EVI5: variants seen among roughly 807,000 people sequenced by gnomAD.
EVI5 encodes ecotropic viral integration site 5 protein homolog.
In EVI5, 73 loss-of-function variants were observed where a neutral mutation model predicts 112.0. The observed-to-expected ratio is 0.65, with a 90% CI of 0.54 to 0.79. The LOEUF (loss-of-function observed/expected upper bound fraction) is 0.79. Ranked by LOEUF, EVI5 falls within the 30% of genes least tolerant of loss-of-function variation. The pLI is 0.00. For synonymous variants in EVI5, 305 were observed against 319.9 expected (o/e 0.95, Z 0.50); for missense variants, 900 against 968.8 (o/e 0.93, Z 0.94).
At chr1:92,592,014 C>T (rs1455143017) in intron 18 of EVI5, among the ~76,000 whole-genome samples, 22 of 152,160 alleles carry the variant, frequency 1.4e-4, no homozygotes, top group East Asian at 9.6e-4. Context: ...GAGGCCAAGG[C>T]GGGCGGTTCA....
chr1:92,516,885 A>C (rs201466926), intron 19 of EVI5, among the ~76,000 whole-genome samples: 1 of 3,848 alleles, frequency 2.6e-4, no homozygotes, highest in African/African-American at 4.3e-3. Flanking sequence ...CCTTTCCTCC[A>C]AAAAAAAAAA....
chr1:92,617,236 T>C (rs948282539), intron 16 of EVI5, among the ~76,000 whole-genome samples: 3 of 152,346 alleles, frequency 2.0e-5, no homozygotes, highest in African/African-American at 7.2e-5. Context: ...CACTTGGTTG[T>C]GCACTCTGCA....
At chr1:92,575,035 A>G (rs1670841197) in intron 18 of EVI5, among the ~76,000 whole-genome samples, 1 of 152,214 alleles carries the variant, frequency 6.6e-6, no homozygotes, top group South Asian at 2.1e-4. Context: ...CAGATGCATA[A>G]CTGAAGTAGT....
intron 9 of EVI5, among the ~76,000 whole-genome samples, chr1:92,679,420 G>A (rs921428586): frequency 1.3e-5 from 2 of 152,034 alleles, no homozygotes; most frequent in Non-Finnish European, 1.5e-5. Context: ...CTTCACAAAT[G>A]ACTACTCTGA....
Position 92,509,944 on chromosome 1 carries a change from C to T in EVI5, c.*3712G>A, listed in dbSNP as rs559635323. 3.8e-4 allele frequency: 58 copies of T among 152,274 alleles called. 1 individual carries two copies. The highest frequency in any genetic ancestry group is 1.2e-3 in the African/African-American group (48 of 41,562). 9.4% of individuals were successfully genotyped at this position (152,274 alleles called of 1,614,324 possible). A position where few individuals can be genotyped will look rare whatever the true frequency, so the allele number is the denominator to read the frequency against. The stretch of plus-strand genomic sequence containing the variant: ...GTAATTAAATAAAATTCATCGAGAA[C>T]ATTGTTCAATGCTTCAAAGTCTTGA... On this transcript the variant is annotated 3_prime_UTR_variant, in exon 20 of 20. Transcript: ENST00000684568.
chr1:92,689,515 C>T (rs937240561), intron 9 of EVI5, among the ~76,000 whole-genome samples: 7 of 152,078 alleles, frequency 4.6e-5, no homozygotes, highest in Non-Finnish European at 7.4e-5. Flanking sequence ...GGTGTGCTGG[C>T]GCCACCACAT....
chr1:92,521,896 A>G (rs550577371), intron 19 of EVI5, among the ~76,000 whole-genome samples: 43 of 152,188 alleles, frequency 2.8e-4, no homozygotes, highest in Non-Finnish European at 5.3e-4. Flanking sequence ...AACTAAAGGC[A>G]CCTTAGAAAA....
upstream of EVI5, among the ~76,000 whole-genome samples, chr1:92,785,925 C>CAA (rs36097015): frequency 2.3e-4 from 33 of 142,346 alleles, no homozygotes; most frequent in South Asian, 2.5e-3. Context: ...ACTAAAAATA[C>CAA]AAAAAAAAAA....
chr1:92,679,653 T>A (rs539633598), intron 9 of EVI5, among the ~76,000 whole-genome samples: 8 of 152,322 alleles, frequency 5.3e-5, no homozygotes, highest in Admixed American at 5.2e-4. Context: ...TTGTTATAAT[T>A]AATGAACCAA....
intron 10 of EVI5, among the ~76,000 whole-genome samples, chr1:92,676,073 A>G (rs919523502): frequency 4.6e-5 from 7 of 151,650 alleles, no homozygotes; most frequent in African/African-American, 1.7e-4. Flanking sequence ...TTTTCTATAT[A>G]TATAAAAAAT....
At chr1:92,547,497 TCAGAG>T (rs1374810861) in intron 19 of EVI5, among the ~76,000 whole-genome samples, 1 of 151,898 alleles carries the variant, frequency 6.6e-6, no homozygotes, top group Non-Finnish European at 1.5e-5. Flanking sequence ...GTAACTAAGA[TCAGAG>T]CAGAACTGAA....
At chr1:92,597,584 A>C (rs1317362709) in intron 18 of EVI5, among the ~76,000 whole-genome samples, 1 of 152,238 alleles carries the variant, frequency 6.6e-6, no homozygotes, top group Non-Finnish European at 1.5e-5. Flanking sequence ...GAACATATAC[A>C]AGTTGATAAA....
rs71586755 is a variant in EVI5, at chr1:92,565,948, C to CAAAAAAAAAAAAAAAAAAAAAAAAAA, written c.2071-2212_2071-2211insTTTTTTTTTTTTTTTTTTTTTTTTTT. On this transcript the variant is annotated intron_variant, in intron 18 of 19. Coordinates refer to ENST00000684568, the MANE Select transcript of EVI5 (RefSeq NM_001350197.2). ...TTGCGCCACTGCATTCCAGCCCGAGCAAAAAAAAAAAAAAAAAAAAGAAAT... is the reference window on the plus strand; with the variant it reads ...TTGCGCCACTGCATTCCAGCCCGAGCAAAAAAAAAAAAAAAAAAAAAAAAAAAAAAAAAAAAAAAAAAAAAAGAAAT... 5.8e-4 allele frequency among the ~76,000 whole-genome samples: 30 copies of CAAAAAAAAAAAAAAAAAAAAAAAAAA among 51,868 alleles called. 8 individuals carry two copies. The highest frequency in any genetic ancestry group is 2.8e-3 in the African/African-American group (28 of 10,136). 34.0% of individuals were successfully genotyped at this position (51,868 alleles called of 152,430 possible).
At chr1:92,542,026 G>C (rs774923419) in intron 19 of EVI5, among the ~76,000 whole-genome samples, 4 of 152,178 alleles carry the variant, frequency 2.6e-5, no homozygotes, top group Admixed American at 6.5e-5. Context: ...CTTAAAGTAA[G>C]ACAACAATAA....
chr1:92,586,778 T>C (rs1672873632), intron 18 of EVI5, among the ~76,000 whole-genome samples: 1 of 151,770 alleles, frequency 6.6e-6, no homozygotes, highest in African/African-American at 2.4e-5. Flanking sequence ...AGTTTTAGGG[T>C]ACATGTGCAC....
At chr1:92,544,486 A>G (rs538678551) in intron 19 of EVI5, among the ~76,000 whole-genome samples, 6 of 152,200 alleles carry the variant, frequency 3.9e-5, no homozygotes, top group Non-Finnish European at 7.3e-5. Flanking sequence ...TTCACCAACA[A>G]CATAAATCTT....
intron 18 of EVI5, among the ~76,000 whole-genome samples, chr1:92,591,981 C>A (rs1211077990): frequency 1.3e-5 from 2 of 152,194 alleles, no homozygotes; most frequent in Non-Finnish European, 2.9e-5. Flanking sequence ...CGGTGGCTCA[C>A]GCTTGTAATC....
At chr1:92,541,019 A>G (rs1355528265) in intron 19 of EVI5, among the ~76,000 whole-genome samples, 1 of 152,210 alleles carries the variant, frequency 6.6e-6, no homozygotes, top group African/African-American at 2.4e-5. Context: ...GGTTGCAGTG[A>G]GCTGAGATCG....
In EVI5 at chr1:92,545,334, C is replaced by G. The variant is rs573811955; in HGVS notation, c.2166+18308G>C. On this transcript the variant is annotated intron_variant, in intron 19 of 19. Transcript: ENST00000684568. ...CAAGTGATCCTCCTGTCTCGGCCTC[C>G]CAAAGTGCTGAGACTATAGGCCATT... 5.9e-5 allele frequency among the ~76,000 whole-genome samples: 9 copies of G among 151,986 alleles called. No homozygotes were observed. The East Asian group carries it at 1.7e-3, about 29-fold the overall frequency.
Sources: gnomAD v4.1 joint callset for allele counts (sites outside exome capture counted in the v4.1 genomes callset) on GRCh38, gnomAD v4.1.1 for gene constraint, MANE v1.5 for transcripts, NCBI Gene and HGNC (gene_info 2026-07-23, HGNC 2026-07-21) for gene names.